The following LONP2 variants were observed in gnomAD, a reference collection of about 807,000 sequenced individuals.
The protein encoded by LONP2 is lon peptidase 2, peroxisomal.
LONP2 carries 60 observed loss-of-function variants against 85.6 expected under a neutral mutation model. The ratio of observed to expected loss-of-function variants is 0.70; its 90% CI spans 0.57 to 0.87. The LOEUF (loss-of-function observed/expected upper bound fraction) is 0.87. Among genes scored for constraint, LONP2 ranks in the 40% least tolerant of loss-of-function variants. LONP2 has a pLI of 0.00. For missense variants in LONP2, 860 were observed against 1,063.5 expected, an observed-to-expected ratio of 0.81 and a Z score of 2.66; for synonymous variants, 395 against 389.7, an observed-to-expected ratio of 1.01 and a Z score of -0.16.
intron 6 of LONP2, among the ~76,000 whole-genome samples, chr16:48,266,825 T>C (rs2150973755): frequency 6.6e-6 from 1 of 152,200 alleles, no homozygotes; most frequent in South Asian, 2.1e-4. Flanking sequence ...GCACAGTGGC[T>C]CATACCTGTA....
chr16:48,290,133 A>T (rs1284425145), intron 8 of LONP2, among the ~76,000 whole-genome samples: 2 of 152,150 alleles, frequency 1.3e-5, no homozygotes, highest in African/African-American at 4.8e-5. Context: ...TATATTAACC[A>T]GTTATGAATT....
intron 12 of LONP2, chr16:48,344,492 T>C (rs1243561543): frequency 6.6e-6 from 1 of 152,114 alleles, no homozygotes; most frequent in African/African-American, 2.4e-5. Flanking sequence ...GGTTTGGCCA[T>C]ACGTGGTTAT....
chr16:48,250,447 G>T (rs143909132), intron 1 of LONP2, among the ~76,000 whole-genome samples: 1 of 151,214 alleles, frequency 6.6e-6, no homozygotes, highest in Non-Finnish European at 1.5e-5. Flanking sequence ...AGGCTACTGC[G>T]CTCCAGCCTG....
chr16:48,289,218 G>A (rs1234424859), intron 8 of LONP2, among the ~76,000 whole-genome samples: 1 of 152,186 alleles, frequency 6.6e-6, no homozygotes, highest in African/African-American at 2.4e-5. Context: ...CCAAGGTTGA[G>A]GACGCGCGCC....
At chr16:48,290,744 C>T (rs1254676803) in intron 8 of LONP2, among the ~76,000 whole-genome samples, 2 of 152,242 alleles carry the variant, frequency 1.3e-5, no homozygotes, top group Non-Finnish European at 2.9e-5. Flanking sequence ...TTCCTGACCT[C>T]AGTCCTTTCG....
intron 8 of LONP2, among the ~76,000 whole-genome samples, chr16:48,290,991 G>C (rs1370681366): frequency 6.6e-6 from 1 of 152,188 alleles, no homozygotes; most frequent in Admixed American, 6.5e-5. Flanking sequence ...TATCACTTTG[G>C]TGATTCCAAG....
chr16:48,347,701 C>G lies in LONP2; in HGVS notation c.2133C>G (p.Tyr711Ter), dbSNP rs779703568. 2 of 1,613,182 alleles carry G rather than the reference C, an allele frequency of 1.2e-6. No individual in the cohort carries two copies. Among genetic ancestry groups the G allele is most frequent in the South Asian group, 2.2e-5 (2 of 91,020 alleles). ...ISWLRSNAKKYQLTNAFGSFD... is the reference protein window; with the variant it reads ...ISWLRSNAKK ...GGCTCCGCAGCAACGCAAAGAAGTACCAGCTGACCAATGGTAGGAGCCTGC... is the reference window on the plus strand; with the variant it reads ...GGCTCCGCAGCAACGCAAAGAAGTAGCAGCTGACCAATGGTAGGAGCCTGC... Residue 711 changes from tyrosine to a stop codon, truncating the protein, a stop_gained, in exon 13 of 15, where the codon TAC becomes TAG. Coordinates refer to ENST00000285737, the MANE Select transcript of LONP2 (RefSeq NM_031490.5). LOFTEE classifies it high-confidence loss of function.
At chr16:48,303,713 G>A (rs550265296) in intron 11 of LONP2, among the ~76,000 whole-genome samples, 55 of 152,302 alleles carry the variant, frequency 3.6e-4, no homozygotes, top group Non-Finnish European at 7.3e-4. Context: ...CTCAAAAGTA[G>A]GGAAGCCGAC....
At chr16:48,278,170 C>T (rs1972254420) in intron 8 of LONP2, among the ~76,000 whole-genome samples, 1 of 152,044 alleles carries the variant, frequency 6.6e-6, no homozygotes, top group South Asian at 2.1e-4. Context: ...TTTTTCTCTA[C>T]TTTTTAAGAA....
intron 11 of LONP2, among the ~76,000 whole-genome samples, chr16:48,315,671 C>A (rs927070538): frequency 6.6e-6 from 1 of 152,124 alleles, no homozygotes; most frequent in African/African-American, 2.4e-5. Flanking sequence ...AACATTTAAA[C>A]CATAGCACTG....
Position 48,352,192 on chromosome 16 carries a change from C to G in LONP2, c.*390C>G, listed in dbSNP as rs1428790765. On this transcript the variant is annotated 3_prime_UTR_variant, in exon 15 of 15. Transcript: ENST00000285737. ...GGACAGAAATCTGTGTTTTAAGAAGCCTTCCAGGTAATTCTGCTGCACACT... is the reference window on the plus strand; with the variant it reads ...GGACAGAAATCTGTGTTTTAAGAAGGCTTCCAGGTAATTCTGCTGCACACT... 1.0e-5 allele frequency: 2 copies of G among 199,048 alleles called. No homozygotes were observed. Among genetic ancestry groups the G allele is most frequent in the East Asian group, 1.2e-4 (1 of 8,328 alleles). 12.3% of individuals were successfully genotyped at this position (199,048 alleles called of 1,614,324 possible).
At chr16:48,334,884 T>G in intron 12 of LONP2, 1 of 419,604 alleles carries the variant, frequency 2.4e-6, no homozygotes, top group Non-Finnish European at 4.8e-6. Context: ...CCAGTCTCAC[T>G]CCATTCTCAT....
chr16:48,333,098 A>C (rs1177367183), intron 11 of LONP2, among the ~76,000 whole-genome samples: 1 of 152,250 alleles, frequency 6.6e-6, no homozygotes, highest in Non-Finnish European at 1.5e-5. Flanking sequence ...GCTAGGAATG[A>C]GATCGAATAC....
chr16:48,347,595 G>A lies in LONP2; in HGVS notation c.2027G>A (p.Arg676Gln), dbSNP rs1484767460. ...GGEIMFVEAS[R>Q]MDGEGQLTLT... is the part of the protein sequence containing the mutation. Reference sequence around the variant, plus strand: ...GAAATCATGTTCGTGGAGGCGAGTCGAATGGATGGCGAGGGCCAGTTAACT... The same window carrying A: ...GAAATCATGTTCGTGGAGGCGAGTCAAATGGATGGCGAGGGCCAGTTAACT... The change falls in exon 13 of 15, where the codon CGA becomes CAA. Residue 676 changes from arginine (R) to glutamine (Q), a missense_variant. Physicochemically the swap from Arg to Gln is conservative, Grantham distance 43. Around this residue, in one of 3 missense-constraint regions of LONP2, gnomAD observed 743 missense variants for 917.3 expected, o/e 0.81. Coordinates refer to ENST00000285737, the MANE Select transcript of LONP2 (RefSeq NM_031490.5). 3.1e-6 allele frequency: 5 copies of A among 1,614,104 alleles called. No homozygotes were observed. Among genetic ancestry groups the A allele is most frequent in the East Asian group, 2.2e-5 (1 of 44,904 alleles).
At chr16:48,347,811 A>G in intron 13 of LONP2, 97 bp downstream of exon 13, 2 of 1,156,666 alleles carry the variant, frequency 1.7e-6, no homozygotes, top group Non-Finnish European at 1.2e-6. Context: ...TTACACATCT[A>G]GCAAAGTACA....
At chr16:48,331,924 C>CT (rs1388483221) in intron 11 of LONP2, among the ~76,000 whole-genome samples, 1 of 152,160 alleles carries the variant, frequency 6.6e-6, no homozygotes, top group African/African-American at 2.4e-5. Context: ...AGGTTTAATG[C>CT]TTTGTTCAAC....
chr16:48,348,840 G>A (rs1475506866), intron 14 of LONP2, among the ~76,000 whole-genome samples: 1 of 152,026 alleles, frequency 6.6e-6, no homozygotes, highest in Non-Finnish European at 1.5e-5. Flanking sequence ...ATATTAGTGT[G>A]GTCATCAGAA....
chr16:48,333,668 G>T (rs1178742595), intron 11 of LONP2, among the ~76,000 whole-genome samples: 1 of 151,462 alleles, frequency 6.6e-6, no homozygotes, highest in Non-Finnish European at 1.5e-5. Context: ...AAAAGTGTTG[G>T]GGGGAGAGAG....
rs1450202755 is a variant in LONP2, at chr16:48,351,988, C to G, written c.*186C>G. ...AAATATAAGATGTTGATTTAGTAAA[C>G]TGATAAAAATCGAATTCTTGTCTTT... is the stretch of plus-strand genomic sequence containing the variant. On this transcript the variant is annotated 3_prime_UTR_variant, in exon 15 of 15. Coordinates refer to ENST00000285737, the MANE Select transcript of LONP2 (RefSeq NM_031490.5). 1.7e-6 allele frequency: 1 copy of G among 598,060 alleles called. No homozygotes were observed. The highest frequency in any genetic ancestry group is 2.9e-6 in the Non-Finnish European group (1 of 340,460). The allele number at this position is 598,060 out of a possible 1,614,324, so 37.0% of individuals were successfully genotyped here.
Sources: gnomAD v4.1 joint callset for allele counts (sites outside exome capture counted in the v4.1 genomes callset) on GRCh38, gnomAD v4.1.1 for gene constraint, gnomAD v4.1.1 regional missense constraint, MANE v1.5 for transcripts, NCBI Gene and HGNC (gene_info 2026-07-23, HGNC 2026-07-21) for gene names.